The following PKP4 variants were observed in gnomAD, a reference collection of about 807,000 sequenced individuals.
PKP4 encodes the protein plakophilin 4.
A neutral mutation model predicts 145.1 loss-of-function variants in PKP4; 90 were observed. The observed-to-expected ratio is 0.62, with a 90% confidence interval of 0.52 to 0.74. The LOEUF is 0.74. PKP4 is among the 30% of genes least tolerant of loss of function. The pLI is 0.00. For missense variants in PKP4, 1,340 were observed against 1,482.7 expected (o/e 0.90, Z 1.58); for synonymous variants, 563 against 577.2 (o/e 0.98, Z 0.35).
At chr2:158,580,616 T>G (rs1441050984) in intron 3 of PKP4, among the ~76,000 whole-genome samples, 1 of 152,174 alleles carries the variant, frequency 6.6e-6, no homozygotes, top group East Asian at 1.9e-4. Context: ...GAAGTTTTCC[T>G]TTTTTGAGAG....
At chr2:158,666,660 A>G (rs1398384832) in intron 16 of PKP4, 97 bp downstream of exon 16, 7 of 1,018,322 alleles carry the variant, frequency 6.9e-6, no homozygotes, top group Non-Finnish European at 8.3e-6. Flanking sequence ...TTGTAAAATC[A>G]TTAACAGCTG....
At chr2:158,620,892 A>G in intron 4 of PKP4, 98 bp from the exon 5 acceptor site, 5 of 988,746 alleles carry the variant, frequency 5.1e-6, no homozygotes, top group Non-Finnish European at 7.9e-6. Context: ...GTATTAGCAT[A>G]TAGATTCTAA....
chr2:158,594,997 T>C (rs3771638), intron 3 of PKP4, among the ~76,000 whole-genome samples: 107,365 of 152,048 alleles, frequency 0.71, 39,390 homozygotes, highest in Non-Finnish European at 0.8. Context: ...CTTAGTGCAA[T>C]GATGAAGAGC....
chr2:158,531,594 T>A (rs760974378), intron 1 of PKP4, among the ~76,000 whole-genome samples: 1 of 152,218 alleles, frequency 6.6e-6, no homozygotes, highest in Non-Finnish European at 1.5e-5. Flanking sequence ...TACATCTCAA[T>A]AAGCATTCCA....
chr2:158,500,874 A>T (rs1479365612), intron 1 of PKP4, among the ~76,000 whole-genome samples: 1 of 152,194 alleles, frequency 6.6e-6, no homozygotes, highest in Non-Finnish European at 1.5e-5. Context: ...GGGCAGAATG[A>T]ATAGCAGAGG....
chr2:158,602,995 A>G, intron 3 of PKP4, 75 bp from the exon 4 acceptor site: 4 of 790,876 alleles, frequency 5.1e-6, no homozygotes, highest in African/African-American at 1.8e-5. Context: ...AAATGTTAAT[A>G]TGCAAAACAG....
intron 3 of PKP4, among the ~76,000 whole-genome samples, chr2:158,595,623 AG>A (rs2105830555): frequency 6.6e-6 from 1 of 152,364 alleles, no homozygotes; most frequent in Admixed American, 6.5e-5. Flanking sequence ...AATGTTAGAT[AG>A]AAATAAAAAT....
intron 2 of PKP4, among the ~76,000 whole-genome samples, chr2:158,552,345 A>G (rs998183830): frequency 3.3e-5 from 5 of 152,206 alleles, no homozygotes; most frequent in African/African-American, 7.2e-5. Context: ...TTGTTGTTCT[A>G]TTCCACCAGG....
chr2:158,477,789 A>G (rs547262968), intron 1 of PKP4, among the ~76,000 whole-genome samples: 1 of 152,160 alleles, frequency 6.6e-6, no homozygotes, highest in Non-Finnish European at 1.5e-5. Context: ...AGGCTGCAGT[A>G]CACTGTGATC....
chr2:158,476,326 T>G (rs552738746), intron 1 of PKP4, among the ~76,000 whole-genome samples: 1 of 152,208 alleles, frequency 6.6e-6, no homozygotes, highest in East Asian at 1.9e-4. Context: ...CCTCTGATGA[T>G]TTTTAAGTTT....
intron 1 of PKP4, among the ~76,000 whole-genome samples, chr2:158,486,880 G>T (rs1035734138): frequency 4.6e-5 from 7 of 152,180 alleles, no homozygotes; most frequent in Admixed American, 4.6e-4. Flanking sequence ...GACAGTCTTT[G>T]TAGGTTGAGT....
intron 1 of PKP4, among the ~76,000 whole-genome samples, chr2:158,461,940 C>G (rs139401499): frequency 2.0e-5 from 3 of 152,064 alleles, no homozygotes; most frequent in African/African-American, 7.2e-5. Context: ...GTCCTGTATT[C>G]CAGGTTGAAT....
chr2:158,558,398 G>A (rs767273860), intron 2 of PKP4, among the ~76,000 whole-genome samples: 21 of 152,174 alleles, frequency 1.4e-4, no homozygotes, highest in Non-Finnish European at 2.6e-4. Flanking sequence ...AGACAGTATA[G>A]CCAGAGGAGG....
At chr2:158,500,756 T>C (rs764193068) in intron 1 of PKP4, among the ~76,000 whole-genome samples, 1 of 152,194 alleles carries the variant, frequency 6.6e-6, no homozygotes, top group Admixed American at 6.5e-5. Context: ...AATTCAGAGA[T>C]GCAAGTATCT....
intron 2 of PKP4, among the ~76,000 whole-genome samples, chr2:158,544,343 G>A (rs1050673158): frequency 1.3e-5 from 2 of 152,104 alleles, no homozygotes; most frequent in African/African-American, 2.4e-5. Flanking sequence ...CTGTTATAAA[G>A]CATTGTTATG....
At chr2:158,471,040 T>G (rs1691490307) in intron 1 of PKP4, among the ~76,000 whole-genome samples, 1 of 152,108 alleles carries the variant, frequency 6.6e-6, no homozygotes, top group Admixed American at 6.6e-5. Flanking sequence ...TCAATGCCCC[T>G]TCACCCCAGC....
intron 1 of PKP4, among the ~76,000 whole-genome samples, chr2:158,508,852 G>T (rs955094394): frequency 4.6e-5 from 7 of 152,000 alleles, no homozygotes; most frequent in Non-Finnish European, 5.9e-5. Context: ...GAGGTTCTGG[G>T]GTGACTGTGG....
intron 3 of PKP4, among the ~76,000 whole-genome samples, chr2:158,602,216 G>A (rs1343027440): frequency 6.6e-6 from 1 of 152,170 alleles, no homozygotes; most frequent in Non-Finnish European, 1.5e-5. Flanking sequence ...GTGATAAGGT[G>A]CACGAGTTTG....
intron 2 of PKP4, among the ~76,000 whole-genome samples, chr2:158,573,654 C>A (rs1300976113): frequency 2.7e-3 from 350 of 127,736 alleles, no homozygotes; most frequent in South Asian, 3.9e-3. Flanking sequence ...AAATGGAAGC[C>A]AAAAAAAAAA....
Sources: gnomAD v4.1 joint callset for allele counts (sites outside exome capture counted in the v4.1 genomes callset) on GRCh38, gnomAD v4.1.1 for gene constraint, MANE v1.5 for transcripts, NCBI Gene and HGNC (gene_info 2026-07-23, HGNC 2026-07-21) for gene names.